ITFG1: variants seen among roughly 807,000 people sequenced by gnomAD.
The protein encoded by ITFG1 is integrin alpha FG-GAP repeat containing 1, also known as T-cell immunomodulatory protein.
ITFG1 carries 34 observed loss-of-function variants against 81.8 expected under a neutral mutation model. The ratio of observed to expected loss-of-function variants is 0.42; its 90% CI spans 0.32 to 0.55. The LOEUF (loss-of-function observed/expected upper bound fraction) is 0.55. Among genes scored for constraint, ITFG1 ranks in the 20% least tolerant of loss-of-function variants. ITFG1 has a pLI of 0.17. For missense variants in ITFG1, 672 were observed against 755.4 expected, an observed-to-expected ratio of 0.89 and a Z score of 1.29; for synonymous variants, 285 against 270.6, an observed-to-expected ratio of 1.05 and a Z score of -0.52.
At chr16:47,439,732 A>T (rs1338691259) in intron 5 of ITFG1, among the ~76,000 whole-genome samples, 1 of 152,154 alleles carries the variant, frequency 6.6e-6, no homozygotes, top group African/African-American at 2.4e-5. Context: ...TGCAAAAACA[A>T]GCCAAACTGT....
In ITFG1 at chr16:47,413,526, C is replaced by T. The variant is rs752023409; in HGVS notation, c.655+15278G>A. Among the ~76,000 whole-genome samples, 3 of 152,082 alleles carry T rather than the reference C, an allele frequency of 2.0e-5. No individual in the cohort carries two copies. In the East Asian group the frequency reaches 5.8e-4, roughly 29 times the overall value. Reference sequence around the variant, plus strand: ...CCTGGGCAACACGGAGAAATCCTGTCTCTATAAAACGTTTAAAAATTAGCC... The same window carrying T: ...CCTGGGCAACACGGAGAAATCCTGTTTCTATAAAACGTTTAAAAATTAGCC... On this transcript the variant is annotated intron_variant, in intron 6 of 17. Coordinates refer to ENST00000320640, the MANE Select transcript of ITFG1 (RefSeq NM_030790.5).
chr16:47,349,193 C>T (rs1012591920), intron 8 of ITFG1, among the ~76,000 whole-genome samples: 2 of 152,202 alleles, frequency 1.3e-5, no homozygotes, highest in African/African-American at 4.8e-5. Flanking sequence ...ATGACATGAT[C>T]AAATTCACAC....
chr16:47,415,175 T>A (rs1032863813), intron 6 of ITFG1, among the ~76,000 whole-genome samples: 1 of 152,234 alleles, frequency 6.6e-6, no homozygotes, highest in Admixed American at 6.5e-5. Context: ...AGAACCTGGA[T>A]GCTGATATTT....
At chr16:47,239,253 T>G (rs2151534469) in intron 12 of ITFG1, among the ~76,000 whole-genome samples, 1 of 151,950 alleles carries the variant, frequency 6.6e-6, no homozygotes. Context: ...CAGGCTGGAG[T>G]GCAGTGGCAC....
intron 6 of ITFG1, among the ~76,000 whole-genome samples, chr16:47,423,694 C>T (rs562101622): frequency 2.6e-5 from 4 of 152,280 alleles, no homozygotes; most frequent in African/African-American, 9.6e-5. Context: ...ACTTATGAAG[C>T]TTAGTTTGGC....
chr16:47,418,625 T>C (rs1567493302), intron 6 of ITFG1, among the ~76,000 whole-genome samples: 1 of 152,214 alleles, frequency 6.6e-6, no homozygotes, highest in Non-Finnish European at 1.5e-5. Flanking sequence ...CAGCACTATT[T>C]ATTAAAGAAA....
At chr16:47,286,298 A>G (rs1596861724) in intron 10 of ITFG1, among the ~76,000 whole-genome samples, 1 of 152,138 alleles carries the variant, frequency 6.6e-6, no homozygotes, top group African/African-American at 2.4e-5. Flanking sequence ...ATTATATGAT[A>G]TGATAAAGGA....
chr16:47,282,956 A>G (rs748236241), intron 10 of ITFG1, among the ~76,000 whole-genome samples: 5 of 151,326 alleles, frequency 3.3e-5, no homozygotes, highest in Non-Finnish European at 7.4e-5. Flanking sequence ...TGCTGAGTTG[A>G]ATTCCTTGTA....
At chr16:47,339,123 AT>A (rs1967748050) in intron 8 of ITFG1, among the ~76,000 whole-genome samples, 1 of 152,222 alleles carries the variant, frequency 6.6e-6, no homozygotes, top group African/African-American at 2.4e-5. Context: ...GTTGTTGCAA[AT>A]GATGTAATCT....
In ITFG1 at chr16:47,428,869, G is replaced by A; in HGVS notation, c.590C>T (p.Thr197Ile). 8 of 1,608,088 alleles carry A rather than the reference G, an allele frequency of 5.0e-6. No individual in the cohort carries two copies. The highest frequency in any genetic ancestry group is 6.8e-6 in the Non-Finnish European group (8 of 1,176,190). ...GNLSWHPALT[T>I]TSKMRIPHSH... is the part of the protein sequence containing the mutation. ...ATGTGGAATTCGCATTTTACTTGTA[G>A]TGGTCAATGCTGGATGCCATGATAA... is the stretch of plus-strand genomic sequence containing the variant. Residue 197 changes from threonine to isoleucine, a missense_variant, in exon 6 of 18, where the codon ACT (threonine) becomes ATT (isoleucine). Physicochemically the swap from Thr to Ile is moderately conservative, Grantham distance 89. Coordinates refer to ENST00000320640, the MANE Select transcript of ITFG1 (RefSeq NM_030790.5).
At chr16:47,313,285 A>AT (rs1380703043) in intron 9 of ITFG1, among the ~76,000 whole-genome samples, 1 of 152,208 alleles carries the variant, frequency 6.6e-6, no homozygotes, top group Non-Finnish European at 1.5e-5. Context: ...TATCATTCCC[A>AT]TATTAATCCT....
intron 17 of ITFG1, 71 bp from the exon 18 acceptor site, chr16:47,155,849 A>G: frequency 9.2e-7 from 1 of 1,089,606 alleles, no homozygotes; most frequent in South Asian, 1.4e-5. Context: ...TCTGAAATAC[A>G]CAGTGATTCA....
At chr16:47,458,483 C>G (rs1056905566) in intron 2 of ITFG1, among the ~76,000 whole-genome samples, 1 of 152,204 alleles carries the variant, frequency 6.6e-6, no homozygotes, top group Admixed American at 6.5e-5. Flanking sequence ...TGAATTCAGA[C>G]AGCCACGAAT....
At chr16:47,420,723 T>C (rs1042686727) in intron 6 of ITFG1, among the ~76,000 whole-genome samples, 1 of 152,216 alleles carries the variant, frequency 6.6e-6, no homozygotes, top group African/African-American at 2.4e-5. Flanking sequence ...CCCTTTCACC[T>C]TCCACCACAA....
At chr16:47,374,855 T>C (rs1195701423) in intron 7 of ITFG1, among the ~76,000 whole-genome samples, 1 of 152,166 alleles carries the variant, frequency 6.6e-6, no homozygotes, top group Non-Finnish European at 1.5e-5. Flanking sequence ...CCCATCGTAG[T>C]TTCCTTCCAT....
At chr16:47,404,648 C>T (rs1968705466) in intron 6 of ITFG1, among the ~76,000 whole-genome samples, 1 of 152,116 alleles carries the variant, frequency 6.6e-6, no homozygotes, top group African/African-American at 2.4e-5. Flanking sequence ...TACACACATG[C>T]ACATATACAT....
At chr16:47,194,164 C>A (rs1305383132) in intron 14 of ITFG1, among the ~76,000 whole-genome samples, 2 of 152,220 alleles carry the variant, frequency 1.3e-5, no homozygotes, top group African/African-American at 4.8e-5. Flanking sequence ...TTCTTCTGGT[C>A]CATGCATACC....
At chr16:47,372,356 T>G (rs921191528) in intron 7 of ITFG1, among the ~76,000 whole-genome samples, 1 of 152,214 alleles carries the variant, frequency 6.6e-6, no homozygotes, top group Non-Finnish European at 1.5e-5. Flanking sequence ...GCAATCCTCC[T>G]GCCTCAGCCT....
intron 10 of ITFG1, among the ~76,000 whole-genome samples, chr16:47,275,050 T>C (rs2151547685): frequency 6.6e-6 from 1 of 152,308 alleles, no homozygotes; most frequent in South Asian, 2.1e-4. Flanking sequence ...AAAGTGTGGC[T>C]AACACAACCA....
Sources: gnomAD v4.1 joint callset for allele counts (sites outside exome capture counted in the v4.1 genomes callset) on GRCh38, gnomAD v4.1.1 for gene constraint, MANE v1.5 for transcripts, NCBI Gene and HGNC (gene_info 2026-07-23, HGNC 2026-07-21) for gene names.